Variants in DPP6 observed in about 807,000 individuals in gnomAD.
DPP6 encodes A-type potassium channel modulatory protein DPP6.
Under a neutral mutation model 122.6 loss-of-function variants are expected in DPP6, and 69 were observed. The ratio of observed to expected loss-of-function variants is 0.56; its 90% CI spans 0.46 to 0.69. DPP6 has a LOEUF of 0.69. Among genes scored for constraint, DPP6 ranks in the 30% least tolerant of loss-of-function variants. The probability of loss-of-function intolerance (pLI) is 0.00; values close to 1 mark genes in which losing one functional copy is unlikely to be tolerated. For missense variants in DPP6, 928 were observed against 1,116.9 expected (o/e 0.83, Z 2.41); for synonymous variants, 418 against 433.1 (o/e 0.97, Z 0.43).
chr7:154,164,225 T>TCCCTCCCCTC (rs1172222806), intron 1 of DPP6, among the ~76,000 whole-genome samples: 3 of 117,924 alleles, frequency 2.5e-5, no homozygotes, highest in East Asian at 2.8e-4. Context: ...CCCCTCCCCT[T>TCCCTCCCCTC]CCCTCCCCTC....
At chr7:153,857,435 A>G in the DPP6 span, among the ~76,000 whole-genome samples, 1 of 151,866 alleles carries the variant, frequency 6.6e-6, no homozygotes, top group Non-Finnish European at 1.5e-5. Context: ...CACGAAATCT[A>G]AAATTCTGTC....
At chr7:154,835,958 G>A (rs866845371) in intron 16 of DPP6, among the ~76,000 whole-genome samples, 11 of 152,298 alleles carry the variant, frequency 7.2e-5, no homozygotes, top group Admixed American at 1.3e-4. Context: ...TCTGATGGTG[G>A]AAAGGATTCC....
chr7:154,061,236 C>G (rs10261016), intron 1 of DPP6, among the ~76,000 whole-genome samples: 1 of 149,310 alleles, frequency 6.7e-6, no homozygotes, highest in African/African-American at 2.4e-5. Flanking sequence ...GGGCGGGGAC[C>G]CGGAACTTTT....
intron 1 of DPP6, among the ~76,000 whole-genome samples, chr7:154,314,337 A>G (rs971954698): frequency 6.6e-6 from 1 of 152,194 alleles, no homozygotes; most frequent in African/African-American, 2.4e-5. Context: ...AACACCTACT[A>G]TGTGCTGACA....
intron 6 of DPP6, among the ~76,000 whole-genome samples, chr7:154,651,645 T>C (rs183041168): frequency 6.6e-4 from 101 of 152,262 alleles, no homozygotes; most frequent in African/African-American, 2.3e-3. Context: ...GGTTCTAAAA[T>C]AGTCTCGAAG....
Position 154,016,144 on chromosome 7 carries a change from C to T in DPP6, c.51+128410C>T, listed in dbSNP as rs577592746. Among the ~76,000 whole-genome samples, 46 of 152,280 alleles carry T rather than the reference C, an allele frequency of 3.0e-4. 1 individual carries two copies. The East Asian group carries it at 4.1e-3, about 13-fold the overall frequency. On this transcript the variant is annotated intron_variant, in intron 1 of 25. Coordinates refer to the DPP6 transcript ENST00000404039. ...CAGCCCCATGATACCTCCGCAGTGA[C>T]GCATTCCTTGACCACTCTACCTAAA...
intron 9 of DPP6, among the ~76,000 whole-genome samples, chr7:154,771,679 A>G (rs10215710): frequency 0.74 from 112,254 of 152,192 alleles, 41,505 homozygotes; most frequent in South Asian, 0.76. Flanking sequence ...GAAGAATGAG[A>G]CCCTTATGGC....
At chr7:154,246,589 G>T (rs946295993) in intron 1 of DPP6, among the ~76,000 whole-genome samples, 2 of 152,014 alleles carry the variant, frequency 1.3e-5, no homozygotes, top group Non-Finnish European at 2.9e-5. Context: ...AAACAGTCTT[G>T]AAAAAAAGAA....
chr7:154,180,581 A>G (rs1270650319), intron 1 of DPP6, among the ~76,000 whole-genome samples: 3 of 148,044 alleles, frequency 2.0e-5, no homozygotes, highest in African/African-American at 7.4e-5. Flanking sequence ...TATATATTCG[A>G]GTTTATATTA....
At chr7:154,355,221 T>G (rs977447017) in intron 1 of DPP6, among the ~76,000 whole-genome samples, 3 of 152,240 alleles carry the variant, frequency 2.0e-5, no homozygotes, top group African/African-American at 7.2e-5. Flanking sequence ...TATTATGTTG[T>G]TATTGTATGG....
chr7:154,771,680 C>G (rs953657849), intron 9 of DPP6, among the ~76,000 whole-genome samples: 11 of 152,226 alleles, frequency 7.2e-5, no homozygotes, highest in African/African-American at 2.7e-4. Flanking sequence ...AAGAATGAGA[C>G]CCTTATGGCC....
chr7:154,008,319 C>T (rs1797999420), intron 1 of DPP6, among the ~76,000 whole-genome samples: 2 of 152,164 alleles, frequency 1.3e-5, no homozygotes, highest in Admixed American at 6.5e-5. Flanking sequence ...ACCTTGGAGG[C>T]AGAACAAAGC....
chr7:154,535,977 G>A (rs1828221558), intron 3 of DPP6, among the ~76,000 whole-genome samples: 1 of 152,120 alleles, frequency 6.6e-6, no homozygotes, highest in Admixed American at 6.6e-5. Context: ...TTCCCATAAA[G>A]TTAAGTGCAA....
intron 1 of DPP6, among the ~76,000 whole-genome samples, chr7:154,429,628 A>G (rs964135582): frequency 6.6e-6 from 1 of 152,222 alleles, no homozygotes; most frequent in Middle Eastern, 3.4e-3. Flanking sequence ...TGTTTATTTG[A>G]GTGTTATCAG....
At chr7:154,268,370 G>A (rs1803571479) in intron 1 of DPP6, among the ~76,000 whole-genome samples, 1 of 152,190 alleles carries the variant, frequency 6.6e-6, no homozygotes, top group Non-Finnish European at 1.5e-5. Flanking sequence ...AGATCAAAGT[G>A]GAAACAGATT....
intron 5 of DPP6, among the ~76,000 whole-genome samples, chr7:154,570,807 A>G (rs1441666151): frequency 6.6e-6 from 1 of 152,194 alleles, no homozygotes; most frequent in African/African-American, 2.4e-5. Flanking sequence ...AGCCTTTAAA[A>G]AGGTGTTTGA....
In DPP6 at chr7:154,064,397, CTCATGGT is replaced by C. The variant is rs374169209; in HGVS notation, c.243+11338_243+11344del. Among the ~76,000 whole-genome samples, 12 of 152,280 alleles carry C rather than the reference CTCATGGT, an allele frequency of 7.9e-5. No individual in the cohort carries two copies. The East Asian group carries it at 2.3e-3, about 29-fold the overall frequency. On this transcript the variant is annotated intron_variant, in intron 1 of 25. Transcript: ENST00000377770. The stretch of plus-strand genomic sequence containing the variant: ...ATGCCTTCCCACCTCTGGACATTTG[CTCATGGT>C]TCAATTCATGGCCATTGAACTTGTC...
rs1437030109 is a variant in DPP6 at position 154,054,956 on chromosome 7, T to G, written c.243+1893T>G. ...ACTTGGAGTATACATGTCCTTCTTTTTATTGTGACATGTGTCTAGAAATGA... is the reference window on the plus strand; with the variant it reads ...ACTTGGAGTATACATGTCCTTCTTTGTATTGTGACATGTGTCTAGAAATGA... On this transcript the variant is annotated intron_variant, in intron 1 of 25. Coordinates refer to ENST00000377770, the MANE Select transcript of DPP6 (RefSeq NM_130797.4). Among the ~76,000 whole-genome samples the G allele has an allele frequency of 3.9e-5, 6 of 152,130 alleles. No homozygotes were observed. In the East Asian group the frequency reaches 1.2e-3, roughly 29 times the overall value.
chr7:154,130,894 C>T (rs1795241971), intron 1 of DPP6, among the ~76,000 whole-genome samples: 1 of 152,150 alleles, frequency 6.6e-6, no homozygotes, highest in South Asian at 2.1e-4. Flanking sequence ...ATGGAAAATG[C>T]CTCAGCCAGA....
Sources: gnomAD v4.1 joint callset for allele counts (sites outside exome capture counted in the v4.1 genomes callset) on GRCh38, gnomAD v4.1.1 for gene constraint, MANE v1.5 for transcripts, NCBI Gene and HGNC (gene_info 2026-07-23, HGNC 2026-07-21) for gene names.